The following CC2D2B variants were observed in gnomAD, a reference collection of about 807,000 sequenced individuals.
CC2D2B encodes protein CC2D2B.
In CC2D2B, 128 loss-of-function variants were observed where a neutral mutation model predicts 161.2. The ratio of observed to expected loss-of-function variants is 0.79; its 90% confidence interval spans 0.69 to 0.92. The LOEUF is 0.92. CC2D2B is among the 40% of genes least tolerant of loss of function. The pLI, the probability that CC2D2B is intolerant of heterozygous loss-of-function variation, is 0.00. For missense variants in CC2D2B, 1,173 were observed against 1,375.1 expected (o/e 0.85, Z 2.32); for synonymous variants, 391 against 449.8 (o/e 0.87, Z 1.65).
chr10:95,988,177 A>C, intron 19 of CC2D2B, 73 bp from the exon 20 acceptor site: 1 of 485,212 alleles, frequency 2.1e-6, no homozygotes, highest in African/African-American at 2.0e-5. Flanking sequence ...GTGACTAGTG[A>C]TATTTATTGC....
intron 25 of CC2D2B, among the ~76,000 whole-genome samples, chr10:96,007,818 G>T (rs2078817879): frequency 6.6e-6 from 1 of 152,220 alleles, no homozygotes; most frequent in Admixed American, 6.5e-5. Flanking sequence ...ATAGGGTGCT[G>T]CCAATGGGAG....
intron 11 of CC2D2B, among the ~76,000 whole-genome samples, chr10:95,957,900 A>C (rs1577664): frequency 0.99 from 149,100 of 151,032 alleles, 73,604 homozygotes; most frequent in East Asian, 1. Flanking sequence ...CAAAAAACAG[A>C]AAGCCCTGGG....
At chr10:95,966,493 T>C (rs747422647) in intron 14 of CC2D2B, among the ~76,000 whole-genome samples, 191 bp downstream of exon 14, 2 of 152,056 alleles carry the variant, frequency 1.3e-5, no homozygotes, top group Admixed American at 6.6e-5. Flanking sequence ...AAAGAAGGAA[T>C]GTAGCTCATG....
rs547022029 is a variant in CC2D2B, at chr10:95,980,549, T to C, written c.1944-1426T>C. Among the ~76,000 whole-genome samples the C allele has an allele frequency of 7.2e-5, 11 of 152,314 alleles. No individual in the cohort carries two copies. The East Asian group carries it at 1.5e-3, about 21-fold the overall frequency. On this transcript the variant is annotated intron_variant, in intron 17 of 34. Transcript: ENST00000646931. ...AGACTGTTTCAAGAAGGAAAATTTA[T>C]TACATGATGGTGTAAAGGGTGTCAG...
Position 95,915,803 on chromosome 10 carries a change from C to T in CC2D2B, c.36+4444C>T, listed in dbSNP as rs534371287. ...TTAATATGATGTTGAATTCGGCTTG[C>T]TAGTATTTTGTTGAGGATTTTTGCA... On this transcript the variant is annotated intron_variant, in intron 2 of 34. Transcript: ENST00000646931. 2.6e-5 allele frequency among the ~76,000 whole-genome samples: 4 copies of T among 152,206 alleles called. No homozygotes were observed. The East Asian group carries it at 7.7e-4, about 29-fold the overall frequency.
At chr10:96,029,522 GA>G (rs1163759076) in intron 34 of CC2D2B, among the ~76,000 whole-genome samples, 3 of 151,274 alleles carry the variant, frequency 2.0e-5, no homozygotes, top group Non-Finnish European at 4.4e-5. Context: ...AAAAAACTAA[GA>G]AAAACCTCTA....
At position 95,986,539 on chromosome 10, in the gene CC2D2B, T is replaced by G. The variant is rs189879603; in HGVS notation, c.2287-1711T>G. ...AAACTTGAAATGGGCATTTCAATTT[T>G]GGGATACAAAGGTATTTCTTAAATA... On this transcript the variant is annotated intron_variant, in intron 19 of 34. Coordinates refer to ENST00000646931, the MANE Select transcript of CC2D2B (RefSeq NM_001349008.3). 3.8e-3 allele frequency among the ~76,000 whole-genome samples: 574 copies of G among 151,944 alleles called. 4 individuals carry two copies. The highest frequency in any genetic ancestry group is 6.6e-3 in the Non-Finnish European group (449 of 67,970).
At chr10:95,947,109 A>ATG (rs1442941741) in intron 9 of CC2D2B, among the ~76,000 whole-genome samples, 1 of 40,048 alleles carries the variant, frequency 2.5e-5, no homozygotes, top group Non-Finnish European at 4.1e-5. Flanking sequence ...ATATATATAT[A>ATG]TATATTTTTT....
chr10:95,926,815 A>AGTGTGTGTGTGTGTGTGTGTGT (rs71486778), intron 5 of CC2D2B, among the ~76,000 whole-genome samples: 203 of 134,970 alleles, frequency 1.5e-3, no homozygotes, highest in Middle Eastern at 3.6e-3. Flanking sequence ...CTGAGGTGGC[A>AGTGTGTGTGTGTGTGTGTGTGT]GTGTGTGTGT....
chr10:95,922,703 C>G (rs2098529838), intron 3 of CC2D2B, among the ~76,000 whole-genome samples: 1 of 152,154 alleles, frequency 6.6e-6, no homozygotes, highest in South Asian at 2.1e-4. Context: ...TTTACTGTAC[C>G]TAGGATTGCA....
intron 17 of CC2D2B, among the ~76,000 whole-genome samples, chr10:95,978,814 T>G (rs2077407457): frequency 6.6e-6 from 1 of 152,208 alleles, no homozygotes; most frequent in African/African-American, 2.4e-5. Context: ...TAAGGTTTAT[T>G]TGATTTTTAT....
intron 17 of CC2D2B, among the ~76,000 whole-genome samples, chr10:95,976,551 G>A (rs1174439806): frequency 6.6e-6 from 1 of 152,240 alleles, no homozygotes. Flanking sequence ...GGCAGCTCAA[G>A]GACTGGCTCT....
intron 30 of CC2D2B, chr10:96,018,948 T>G: frequency 3.6e-6 from 1 of 280,954 alleles, no homozygotes; most frequent in Non-Finnish European, 6.7e-6. Context: ...CAGGTGTGTG[T>G]GCCGCTGTGC....
intron 32 of CC2D2B, chr10:96,021,523 A>G (rs1354297497): frequency 6.6e-6 from 1 of 152,244 alleles, no homozygotes; most frequent in Non-Finnish European, 1.5e-5. Context: ...AGTTGATGCC[A>G]ATGTGCAGCC....
chr10:96,027,065 G>C (rs2079814048), intron 33 of CC2D2B, 147 bp from the exon 34 acceptor site: 2 of 491,312 alleles, frequency 4.1e-6, no homozygotes, highest in East Asian at 6.9e-5. Flanking sequence ...AGAGGTTTCA[G>C]TGAGCCAAGA....
At chr10:95,976,879 G>A (rs2077335176) in intron 17 of CC2D2B, among the ~76,000 whole-genome samples, 1 of 152,180 alleles carries the variant, frequency 6.6e-6, no homozygotes, top group Non-Finnish European at 1.5e-5. Context: ...CTCCAGAGTA[G>A]CTGGGATTAC....
At chr10:95,927,411 C>A (rs2098541315) in intron 6 of CC2D2B, 79 bp downstream of exon 6, 1 of 759,416 alleles carries the variant, frequency 1.3e-6, no homozygotes, top group Admixed American at 2.5e-5. Flanking sequence ...GAATGAAATA[C>A]TTGGACGGGA....
chr10:96,026,638 A>C (rs538043308), intron 33 of CC2D2B, among the ~76,000 whole-genome samples: 2 of 152,162 alleles, frequency 1.3e-5, no homozygotes, highest in Admixed American at 1.3e-4. Context: ...AGCTGCCTAC[A>C]TACGGGTAAC....
At chr10:95,942,494 A>G (rs1032522476) in intron 9 of CC2D2B, among the ~76,000 whole-genome samples, 1 of 152,072 alleles carries the variant, frequency 6.6e-6, no homozygotes, top group Non-Finnish European at 1.5e-5. Flanking sequence ...AATCCACCCA[A>G]TGAGTTCTTT....
Sources: gnomAD v4.1 joint callset for allele counts (sites outside exome capture counted in the v4.1 genomes callset) on GRCh38, gnomAD v4.1.1 for gene constraint, MANE v1.5 for transcripts, NCBI Gene and HGNC (gene_info 2026-07-23, HGNC 2026-07-21) for gene names.